The following STPG2 variants were observed in gnomAD, a reference collection of about 807,000 sequenced individuals.
The protein encoded by STPG2 is sperm tail PG-rich repeat containing 2.
In STPG2, 56 loss-of-function variants were observed where a neutral mutation model predicts 54.2. The observed-to-expected ratio is 1.03, with a 90% confidence interval of 0.83 to 1.29. The LOEUF is 1.29. Among genes scored for constraint, STPG2 ranks in the 50% most tolerant of loss-of-function variants. The pLI is 0.00. For missense variants in STPG2, 596 were observed against 544.9 expected, an observed-to-expected ratio of 1.09 and a Z score of -0.93; for synonymous variants, 200 against 181.8, an observed-to-expected ratio of 1.10 and a Z score of -0.81.
intron 8 of STPG2, among the ~76,000 whole-genome samples, chr4:97,932,594 C>G (rs1732592242): frequency 6.6e-6 from 1 of 152,098 alleles, no homozygotes; most frequent in Non-Finnish European, 1.5e-5. Context: ...TCAGCTCCCA[C>G]TTATGAGTGA....
intron 10 of STPG2, among the ~76,000 whole-genome samples, chr4:97,597,898 G>C (rs1036315610): frequency 2.0e-5 from 3 of 151,922 alleles, no homozygotes; most frequent in Non-Finnish European, 2.9e-5. Context: ...CCAGGTAAGA[G>C]AAAGAAATAA....
chr4:97,518,459 C>T (rs1203269314), intron 4 of STPG2, among the ~76,000 whole-genome samples: 1 of 152,048 alleles, frequency 6.6e-6, no homozygotes, highest in Non-Finnish European at 1.5e-5. Flanking sequence ...TAACACAAAT[C>T]ACCCACTAAA....
At chr4:97,590,407 T>C (rs911739999) in intron 10 of STPG2, among the ~76,000 whole-genome samples, 5 of 151,876 alleles carry the variant, frequency 3.3e-5, no homozygotes, top group African/African-American at 1.2e-4. Context: ...GCTTATATAC[T>C]ATAGGGAAAG....
intron 10 of STPG2, among the ~76,000 whole-genome samples, chr4:97,638,929 C>T (rs1177579654): frequency 1.4e-5 from 2 of 147,880 alleles, no homozygotes; most frequent in Non-Finnish European, 3.0e-5. Context: ...TTGTGGAAGT[C>T]AGTGTGGCGA....
At position 97,837,556 on chromosome 4, in the gene STPG2, A is replaced by C. The variant is rs757678802; in HGVS notation, c.1204+3217T>G. Among the ~76,000 whole-genome samples the C allele has an allele frequency of 6.2e-4, 94 of 151,750 alleles. 2 individuals carry two copies. The highest frequency in any genetic ancestry group is 2.0e-3 in the Admixed American group (30 of 15,162). On this transcript the variant is annotated intron_variant, in intron 9 of 10. Transcript: ENST00000295268. ...AATTAAAACTTGGTGTAATAAGAAAAGACTGCTTTATAATGTGATAAGCCT... is the reference window on the plus strand; with the variant it reads ...AATTAAAACTTGGTGTAATAAGAAACGACTGCTTTATAATGTGATAAGCCT...
At chr4:97,987,365 G>T (rs1207887369) in intron 5 of STPG2, among the ~76,000 whole-genome samples, 1 of 152,016 alleles carries the variant, frequency 6.6e-6, no homozygotes, top group Non-Finnish European at 1.5e-5. Context: ...AAAAAATTTT[G>T]TACTGTCTTT....
intron 9 of STPG2, among the ~76,000 whole-genome samples, chr4:97,767,390 G>A (rs165246): frequency 0.67 from 101,950 of 151,942 alleles, 35,616 homozygotes; most frequent in African/African-American, 0.88. Flanking sequence ...TCAACAAAAT[G>A]GATTTCACTT....
rs186538009 is a variant in STPG2, at chr4:98,136,486, A to C, written c.110-2027T>G. 3.4e-4 allele frequency among the ~76,000 whole-genome samples: 51 copies of C among 151,830 alleles called. No individual in the cohort carries two copies. In the East Asian group the frequency reaches 9.3e-3, roughly 28 times the overall value. On this transcript the variant is annotated intron_variant, in intron 1 of 10. Coordinates refer to ENST00000295268, the MANE Select transcript of STPG2 (RefSeq NM_174952.3). ...TTGAATATCTTATGTAATTTATTGA[A>C]TACTGTACTGAAAGTGAAAAATAGA...
At chr4:97,987,077 C>G (rs1055006918) in intron 5 of STPG2, among the ~76,000 whole-genome samples, 1 of 152,184 alleles carries the variant, frequency 6.6e-6, no homozygotes, top group Non-Finnish European at 1.5e-5. Flanking sequence ...ATCTGAACCA[C>G]AGCCACAGAG....
intron 10 of STPG2, among the ~76,000 whole-genome samples, chr4:97,597,149 G>T (rs1246587345): frequency 6.6e-6 from 1 of 151,988 alleles, no homozygotes; most frequent in Non-Finnish European, 1.5e-5. Flanking sequence ...ACAAAAATTA[G>T]AAAACTTAGA....
intron 5 of STPG2, among the ~76,000 whole-genome samples, chr4:98,032,245 C>A (rs1736620998): frequency 6.6e-6 from 1 of 151,992 alleles, no homozygotes; most frequent in Non-Finnish European, 1.5e-5. Flanking sequence ...AGTCACTATA[C>A]AAAAAAGATA....
intron 10 of STPG2, among the ~76,000 whole-genome samples, chr4:97,566,869 C>G (rs1052527405): frequency 8.4e-6 from 1 of 119,286 alleles, no homozygotes; most frequent in Non-Finnish European, 1.6e-5. Context: ...ACATCACACT[C>G]TGGGGACTGT....
At chr4:97,798,219 T>C (rs1172580791) in intron 9 of STPG2, among the ~76,000 whole-genome samples, 2 of 152,214 alleles carry the variant, frequency 1.3e-5, no homozygotes, top group African/African-American at 2.4e-5. Context: ...TCTTGCCTTC[T>C]GCTAGCTTTT....
intron 8 of STPG2, among the ~76,000 whole-genome samples, chr4:97,907,870 A>C (rs2149195968): frequency 6.6e-6 from 1 of 152,298 alleles, no homozygotes; most frequent in Admixed American, 6.5e-5. Flanking sequence ...AATCAATTCA[A>C]GATGGATTAA....
At chr4:97,456,737 A>G (rs1363779631) in intron 4 of STPG2, among the ~76,000 whole-genome samples, 1 of 151,804 alleles carries the variant, frequency 6.6e-6, no homozygotes, top group African/African-American at 2.4e-5. Flanking sequence ...CTACTAAAAA[A>G]TACAAAAAAT....
At chr4:98,115,532 T>G (rs1369873743) in intron 3 of STPG2, among the ~76,000 whole-genome samples, 2 of 152,010 alleles carry the variant, frequency 1.3e-5, no homozygotes, top group Non-Finnish European at 2.9e-5. Context: ...CTCTTAATTC[T>G]GTATTTAAGC....
intron 4 of STPG2, among the ~76,000 whole-genome samples, chr4:97,475,613 A>G (rs963416375): frequency 1.3e-5 from 2 of 151,994 alleles, no homozygotes; most frequent in Non-Finnish European, 2.9e-5. Context: ...CAGGTCCTAC[A>G]TGGGTTTTCT....
chr4:97,712,918 T>C, intron 9 of STPG2, 104 bp from the exon 10 acceptor site: 2 of 677,738 alleles, frequency 3.0e-6, no homozygotes, highest in South Asian at 3.4e-5. Flanking sequence ...AAAATTAGCA[T>C]GAAACAATCT....
chr4:97,966,764 C>A (rs573381496), intron 7 of STPG2, among the ~76,000 whole-genome samples: 1 of 152,186 alleles, frequency 6.6e-6, no homozygotes, highest in South Asian at 2.1e-4. Flanking sequence ...CATATCCAGC[C>A]AAACTAAGCT....
Sources: allele counts gnomAD v4.1 joint callset (sites outside exome capture counted in the v4.1 genomes callset), GRCh38; gene constraint gnomAD v4.1.1; transcripts MANE v1.5; gene names NCBI Gene and HGNC (gene_info 2026-07-23, HGNC 2026-07-21).